Variants in AFF4 observed in about 807,000 individuals in gnomAD.
The protein encoded by AFF4 is ALF transcription elongation factor 4, also known as AF4/FMR2 family member 4.
A neutral mutation model predicts 124.8 loss-of-function variants in AFF4; 13 were observed. The observed-to-expected ratio is 0.10, with a 90% CI of 0.07 to 0.17. The LOEUF is 0.17. Among genes scored for constraint, AFF4 ranks in the 10% least tolerant of loss-of-function variants. AFF4 has a pLI of 1.00. For synonymous variants in AFF4, 477 were observed against 496.1 expected (o/e 0.96, Z 0.51); for missense variants, 1,092 against 1,403.8 (o/e 0.78, Z 3.55).
intron 1 of AFF4, among the ~76,000 whole-genome samples, chr5:132,946,532 A>G (rs927643068): frequency 1.3e-5 from 2 of 152,248 alleles, no homozygotes; most frequent in Non-Finnish European, 2.9e-5. Flanking sequence ...ATGCTACAAC[A>G]TAGATGAACC....
chr5:132,888,242 T>C, intron 14 of AFF4, 82 bp from the exon 15 acceptor site: 1 of 1,027,314 alleles, frequency 9.7e-7, no homozygotes, highest in Middle Eastern at 3.3e-4. Context: ...TATCCCTCAG[T>C]TTTTATGTCC....
At chr5:132,885,501 G>A (rs1284816347) in intron 18 of AFF4, among the ~76,000 whole-genome samples, 1 of 151,504 alleles carries the variant, frequency 6.6e-6, no homozygotes, top group Non-Finnish European at 1.5e-5. Context: ...AGAGGGGAGA[G>A]ATGAATCATA....
At chr5:132,925,679 T>C (rs1464375708) in intron 5 of AFF4, among the ~76,000 whole-genome samples, 1 of 152,174 alleles carries the variant, frequency 6.6e-6, no homozygotes, top group Non-Finnish European at 1.5e-5. Flanking sequence ...TATGTAAAGA[T>C]GATGAACCTC....
chr5:132,932,150 T>C lies in AFF4; in HGVS notation c.963+28A>G, dbSNP rs1489183924. ...GGCAGAGCATAAAAAATTAAAGAAA[T>C]TGAAATGATTTTTTTTAAAAAACTT... On this transcript the variant is annotated intron_variant, in intron 4 of 20. Coordinates refer to ENST00000265343, the MANE Select transcript of AFF4 (RefSeq NM_014423.4). The C allele has an allele frequency of 3.9e-6, 6 of 1,551,978 alleles. 1 individual carries two copies. The highest frequency in any genetic ancestry group is 4.6e-5 in the East Asian group (2 of 43,212).
intron 7 of AFF4, chr5:132,900,962 T>C (rs749555439): frequency 7.4e-5 from 73 of 985,232 alleles, no homozygotes; most frequent in Middle Eastern, 1.0e-3. Context: ...CCTCAAAGTT[T>C]AACCAACATT....
intron 5 of AFF4, among the ~76,000 whole-genome samples, chr5:132,922,431 A>G (rs1390668810): frequency 6.6e-6 from 1 of 152,108 alleles, no homozygotes; most frequent in African/African-American, 2.4e-5. Flanking sequence ...AAGAAATAAA[A>G]GTATACATTT....
chr5:132,912,853 CA>C (rs1180260379), intron 5 of AFF4, among the ~76,000 whole-genome samples: 2 of 135,868 alleles, frequency 1.5e-5, no homozygotes, highest in African/African-American at 5.9e-5. Flanking sequence ...GACACACACA[CA>C]ACACACACAC....
chr5:132,962,176 T>A (rs1487323143), intron 1 of AFF4, among the ~76,000 whole-genome samples: 1 of 152,216 alleles, frequency 6.6e-6, no homozygotes, highest in Non-Finnish European at 1.5e-5. Flanking sequence ...CCAGTTAAGT[T>A]TTAAAAAGCA....
At chr5:132,958,331 T>A (rs1482883752) in intron 1 of AFF4, among the ~76,000 whole-genome samples, 1 of 151,590 alleles carries the variant, frequency 6.6e-6, no homozygotes, top group South Asian at 2.1e-4. Flanking sequence ...CAGGGCATGG[T>A]GGTGCACACC....
intron 2 of AFF4, 85 bp from the exon 3 acceptor site, chr5:132,935,026 G>T: frequency 1.8e-6 from 2 of 1,118,902 alleles, no homozygotes; most frequent in Non-Finnish European, 2.4e-6. Context: ...TCCAAACTTC[G>T]AATGGAAAGG....
At chr5:132,926,216 C>T (rs750574369) in intron 5 of AFF4, 3 of 486,896 alleles carry the variant, frequency 6.2e-6, no homozygotes, top group Non-Finnish European at 1.2e-5. Context: ...TGCAAAGGTA[C>T]TTAGGAAAGG....
rs745534780 is a variant in AFF4 at position 132,927,221 on chromosome 5, A to T, written c.964-14T>A. ...ATGCGTCATCTCCTGAAATGTAATTATTACAGTTTGTTTTCAACCAGGTCA... is the reference window on the plus strand; with the variant it reads ...ATGCGTCATCTCCTGAAATGTAATTTTTACAGTTTGTTTTCAACCAGGTCA... On this transcript the variant is annotated splice_polypyrimidine_tract_variant and intron_variant, in intron 4 of 20. Coordinates refer to ENST00000265343, the MANE Select transcript of AFF4 (RefSeq NM_014423.4). The T allele has an allele frequency of 6.2e-7, 1 of 1,607,402 alleles. No homozygotes were observed. Among genetic ancestry groups the T allele is most frequent in the Non-Finnish European group, 8.5e-7 (1 of 1,177,080 alleles).
At chr5:132,942,907 C>T (rs189525470) in intron 1 of AFF4, 28 of 210,042 alleles carry the variant, frequency 1.3e-4, no homozygotes, top group African/African-American at 5.8e-4. Flanking sequence ...CCTTGGGCCA[C>T]ATGATGAGAC....
chr5:132,927,295 G>A lies in AFF4; in HGVS notation c.964-88C>T. ...AACCAGATTTGTATTTATAAATACT[G>A]GTTTCATGACAGCTCCTCCAAAATT... On this transcript the variant is annotated intron_variant, in intron 4 of 20. Transcript: ENST00000265343. 6 of 1,142,798 alleles carry A rather than the reference G, an allele frequency of 5.3e-6. No homozygotes were observed. The South Asian group carries it at 8.5e-5, about 16-fold the overall frequency. The allele number at this position is 1,142,798 out of a possible 1,614,324, so 70.8% of individuals were successfully genotyped here. A position where few individuals can be genotyped will look rare whatever the true frequency, so the allele number is the denominator to read the frequency against.
intron 13 of AFF4, among the ~76,000 whole-genome samples, chr5:132,891,497 T>A (rs1035285548): frequency 6.6e-6 from 1 of 152,208 alleles, no homozygotes; most frequent in Admixed American, 6.5e-5. Context: ...AAAAAGCTCC[T>A]TTGATCCAAA....
intron 1 of AFF4, chr5:132,945,376 T>C (rs1269493072): frequency 6.6e-6 from 1 of 152,204 alleles, no homozygotes; most frequent in African/African-American, 2.4e-5. Flanking sequence ...TCTCAACTGA[T>C]TGTTCACAGT....
rs750769831 is a variant in AFF4 at position 132,896,895 on chromosome 5, G to T, written c.1735C>A (p.Arg579Ser). The T allele has an allele frequency of 3.7e-6, 6 of 1,614,122 alleles. No homozygotes were observed. The highest frequency in any genetic ancestry group is 5.1e-6 in the Non-Finnish European group (6 of 1,180,034). Reference sequence around the variant, plus strand: ...TCACTTTCTATCTTCAGGCCTCCACGAGGCTCTTCAGCAGCTGCCTTCTCA... The same window carrying T: ...TCACTTTCTATCTTCAGGCCTCCACTAGGCTCTTCAGCAGCTGCCTTCTCA... ...KAEKAAAEEP[R>S]GGLKIESETP... is the part of the protein sequence containing the mutation. Residue 579 changes from arginine (R) to serine (S), a missense_variant, in exon 11 of 21, where the codon CGT becomes AGT. Coordinates refer to ENST00000265343, the MANE Select transcript of AFF4 (RefSeq NM_014423.4).
intron 6 of AFF4, chr5:132,903,889 A>C (rs1023002746): frequency 5.2e-5 from 8 of 152,840 alleles, no homozygotes; most frequent in African/African-American, 1.9e-4. Context: ...TTTGATCTCC[A>C]ATGACTTACA....
intron 1 of AFF4, chr5:132,944,169 C>T (rs1335876259): frequency 6.6e-6 from 1 of 152,466 alleles, no homozygotes; most frequent in African/African-American, 2.4e-5. Context: ...AACCCCATCT[C>T]TACTAAAAAT....
Sources: allele counts gnomAD v4.1 joint callset (sites outside exome capture counted in the v4.1 genomes callset), GRCh38; gene constraint gnomAD v4.1.1; transcripts MANE v1.5; gene names NCBI Gene and HGNC (gene_info 2026-07-23, HGNC 2026-07-21).